The following SPPL3 variants were observed in gnomAD, a reference collection of about 807,000 sequenced individuals.
The protein encoded by SPPL3 is signal peptide peptidase like 3.
A neutral mutation model predicts 42.4 loss-of-function variants in SPPL3; 5 were observed. The observed-to-expected ratio is 0.12, with a 90% CI of 0.06 to 0.25. The LOEUF (loss-of-function observed/expected upper bound fraction) is 0.25. SPPL3 is among the 10% of genes least tolerant of loss of function. The probability of loss-of-function intolerance (pLI) is 1.00; values close to 1 mark genes in which losing one functional copy is unlikely to be tolerated. For synonymous variants in SPPL3, 195 were observed against 181.8 expected (o/e 1.07, Z -0.58); for missense variants, 235 against 489.0 (o/e 0.48, Z 4.90).
intron 7 of SPPL3, 114 bp downstream of exon 7, chr12:120,768,839 T>C (rs1435187662): frequency 3.5e-6 from 3 of 848,164 alleles, no homozygotes; most frequent in East Asian, 2.7e-5. Flanking sequence ...GGAGAGAGAG[T>C]GATCAGCAGC....
intron 2 of SPPL3, among the ~76,000 whole-genome samples, chr12:120,803,779 G>GC (rs1488304387): frequency 6.6e-6 from 1 of 152,056 alleles, no homozygotes; most frequent in African/African-American, 2.4e-5. Context: ...GTCTACACAC[G>GC]CTGCAATGGA....
intron 1 of SPPL3, among the ~76,000 whole-genome samples, chr12:120,877,732 G>C (rs1325101636): frequency 6.8e-6 from 1 of 147,938 alleles, no homozygotes; most frequent in Non-Finnish European, 1.5e-5. Context: ...AGTGAGCCGA[G>C]ATCGTGCCAT....
chr12:120,867,105 T>C (rs1046736040), intron 1 of SPPL3, among the ~76,000 whole-genome samples: 2 of 152,234 alleles, frequency 1.3e-5, no homozygotes, highest in Admixed American at 6.5e-5. Context: ...GTATTATTTA[T>C]CTTGGAACAG....
intron 1 of SPPL3, among the ~76,000 whole-genome samples, chr12:120,869,215 T>C (rs1359100160): frequency 6.6e-6 from 1 of 152,198 alleles, no homozygotes; most frequent in African/African-American, 2.4e-5. Context: ...GAATCAGGTG[T>C]GTCGAATGGT....
chr12:120,898,990 A>G (rs1295388562), intron 1 of SPPL3, among the ~76,000 whole-genome samples: 1 of 152,236 alleles, frequency 6.6e-6, no homozygotes, highest in East Asian at 1.9e-4. Flanking sequence ...CTTCATCAAG[A>G]GACGAGTTCC....
chr12:120,822,614 T>A (rs988115640), intron 1 of SPPL3, among the ~76,000 whole-genome samples: 1 of 152,140 alleles, frequency 6.6e-6, no homozygotes, highest in African/African-American at 2.4e-5. Context: ...CTTACTTCTA[T>A]CAGGACAAAC....
chr12:120,868,071 C>G lies in SPPL3; in HGVS notation c.23+35774G>C, dbSNP rs139745014. Among the ~76,000 whole-genome samples, 538 of 152,166 alleles carry G rather than the reference C, an allele frequency of 3.5e-3. 3 individuals are homozygous for G. The highest frequency in any genetic ancestry group is 0.013 in the African/African-American group (522 of 41,522). On this transcript the variant is annotated intron_variant, in intron 1 of 10. Coordinates refer to ENST00000353487, the MANE Select transcript of SPPL3 (RefSeq NM_139015.5). ...CTATGTATAAAAATTATAGTTCAGC[C>G]CAGGCAACACAGTGAGACCTCATCT...
At chr12:120,768,178 G>C in intron 8 of SPPL3, 147 bp downstream of exon 8, 1 of 1,061,492 alleles carries the variant, frequency 9.4e-7, no homozygotes, top group Non-Finnish European at 1.3e-6. Flanking sequence ...GGCAAGCCAA[G>C]AATCTCATCC....
chr12:120,770,700 C>G (rs2136968373), intron 6 of SPPL3, among the ~76,000 whole-genome samples: 1 of 152,330 alleles, frequency 6.6e-6, no homozygotes, highest in East Asian at 1.9e-4. Flanking sequence ...CCTCAATTCC[C>G]AGAACTCCAC....
At chr12:120,774,240 C>T (rs556785078) in intron 6 of SPPL3, among the ~76,000 whole-genome samples, 1 of 152,284 alleles carries the variant, frequency 6.6e-6, no homozygotes, top group East Asian at 1.9e-4. Flanking sequence ...CACCTCCACC[C>T]ACTTCCTACT....
intron 1 of SPPL3, among the ~76,000 whole-genome samples, chr12:120,871,195 T>TGAATACAC (rs1469033167): frequency 6.8e-6 from 1 of 147,474 alleles, no homozygotes; most frequent in African/African-American, 2.5e-5. Context: ...CACAACAATG[T>TGAATACAC]GAATACACAT....
At chr12:120,791,320 C>T (rs1010761798) in intron 3 of SPPL3, 149 bp downstream of exon 3, 25 of 542,124 alleles carry the variant, frequency 4.6e-5, no homozygotes, top group South Asian at 2.7e-4. Flanking sequence ...AATTACATAC[C>T]GTAAAATTCA....
At chr12:120,875,501 C>T (rs1255719035) in intron 1 of SPPL3, among the ~76,000 whole-genome samples, 8 of 151,734 alleles carry the variant, frequency 5.3e-5, no homozygotes, top group Admixed American at 1.3e-4. Context: ...TGGTGGCGGA[C>T]GCCCGTAATC....
chr12:120,894,942 G>A (rs1263603571), intron 1 of SPPL3, among the ~76,000 whole-genome samples: 6 of 103,336 alleles, frequency 5.8e-5, no homozygotes, highest in Admixed American at 1.2e-4. Flanking sequence ...GTGAGAGTCC[G>A]TCTCAAACAA....
intron 1 of SPPL3, among the ~76,000 whole-genome samples, chr12:120,884,629 A>C (rs919609275): frequency 6.6e-6 from 1 of 150,596 alleles, no homozygotes; most frequent in Non-Finnish European, 1.5e-5. Context: ...TTAATGAAAG[A>C]TCTCTCTGTG....
chr12:120,882,421 T>C (rs1392731027), intron 1 of SPPL3, among the ~76,000 whole-genome samples: 5 of 152,162 alleles, frequency 3.3e-5, no homozygotes, highest in Non-Finnish European at 7.3e-5. Flanking sequence ...TTTTATGCTA[T>C]GTGTATTTTA....
At chr12:120,775,224 C>T (rs1869272506) in intron 6 of SPPL3, among the ~76,000 whole-genome samples, 1 of 152,164 alleles carries the variant, frequency 6.6e-6, no homozygotes, top group Non-Finnish European at 1.5e-5. Flanking sequence ...AATCTCAGCT[C>T]ACTGCAACCC....
intron 6 of SPPL3, 39 bp downstream of exon 6, chr12:120,782,616 T>C (rs976109153): frequency 1.4e-6 from 2 of 1,434,538 alleles, no homozygotes; most frequent in Non-Finnish European, 1.9e-6. Flanking sequence ...TAAAACTCTA[T>C]AAAGTAAAAT....
intron 2 of SPPL3, among the ~76,000 whole-genome samples, chr12:120,804,248 G>A (rs2136996391): frequency 6.6e-6 from 1 of 152,196 alleles, no homozygotes. Context: ...TGTTAAGACA[G>A]AAACTGTTAC....
Sources: gnomAD v4.1 joint callset for allele counts (sites outside exome capture counted in the v4.1 genomes callset) on GRCh38, gnomAD v4.1.1 for gene constraint, MANE v1.5 for transcripts, NCBI Gene and HGNC (gene_info 2026-07-23, HGNC 2026-07-21) for gene names.